The following MYBPC3 variants were observed in gnomAD, a reference collection of about 807,000 sequenced individuals.
MYBPC3 encodes the protein myosin-binding protein C, cardiac-type.
Under a neutral mutation model 159.3 loss-of-function variants are expected in MYBPC3, and 108 were observed. That is an observed-to-expected ratio of 0.68 (90% confidence interval 0.58 to 0.80). The LOEUF (loss-of-function observed/expected upper bound fraction) is 0.80, where lower values mean the gene tolerates loss of function less well. Among genes scored for constraint, MYBPC3 ranks in the 30% least tolerant of loss-of-function variants. The pLI is 0.00. For synonymous variants in MYBPC3, 730 were observed against 702.0 expected (o/e 1.04, Z -0.63); for missense variants, 1,631 against 1,762.1 (o/e 0.93, Z 1.33).
Position 47,352,638 on chromosome 11 carries a change from G to T in MYBPC3, c.10C>A (p.Pro4Thr). The change falls in exon 1 of 35, where the codon CCG becomes ACG. Residue 4 changes from proline to threonine, a missense_variant. Pro to Thr is a conservative substitution (Grantham distance 38). Transcript: ENST00000545968. MPEPGKKPVSAFSK... is the reference protein window; with the variant it reads MPETGKKPVSAFSK... ...CTAAAGCTACCTGGCTTCTTCCCCG[G>T]CTCAGGCATCCTGAGAGACGTCACA... The T allele has an allele frequency of 1.3e-6, 2 of 1,595,398 alleles. No individual in the cohort carries two copies. Among genetic ancestry groups the T allele is most frequent in the Non-Finnish European group, 8.5e-7 (1 of 1,171,184 alleles).
intron 25 of MYBPC3, 59 bp from the exon 26 acceptor site, chr11:47,336,070 T>C: frequency 1.5e-6 from 2 of 1,370,092 alleles, no homozygotes; most frequent in East Asian, 2.7e-5. Context: ...TGGAGATCCA[T>C]GCCCTAGACT....
Position 47,342,118 on chromosome 11 carries a change from T to A in MYBPC3, c.1663A>T (p.Met555Leu). 1 of 1,614,010 alleles carries A rather than the reference T, an allele frequency of 6.2e-7. No homozygotes were observed. The highest frequency in any genetic ancestry group is 8.5e-7 in the Non-Finnish European group (1 of 1,179,884). ...LEVYQSIADL[M>L]VGAKDQAVFK... Reference sequence around the variant, plus strand: ...ACCGCCTGGTCCTTTGCGCCCACCATCAGGTCTGCGATGCTCTGGTACACC... The same window carrying A: ...ACCGCCTGGTCCTTTGCGCCCACCAACAGGTCTGCGATGCTCTGGTACACC... Residue 555 changes from methionine to leucine, a missense_variant, in exon 18 of 35, where the codon ATG becomes TTG. Coordinates refer to ENST00000545968, the MANE Select transcript of MYBPC3 (RefSeq NM_000256.3).
chr11:47,337,248 A>C, intron 25 of MYBPC3, 143 bp downstream of exon 25: 1 of 863,496 alleles, frequency 1.2e-6, no homozygotes, highest in Non-Finnish European at 1.7e-6. Context: ...CATCTGTAAA[A>C]TGCGGCTGAG....
chr11:47,347,345 TCA>T, intron 9 of MYBPC3, 79 bp downstream of exon 9: 1 of 1,550,638 alleles, frequency 6.4e-7, no homozygotes. Context: ...GTGCTCAGGG[TCA>T]CACAGCTGGC....
rs1403746303 is a variant in MYBPC3 at position 47,345,036 on chromosome 11, T to G, written c.1090+1171A>C. Among the ~76,000 whole-genome samples, 5 of 152,310 alleles carry G rather than the reference T, an allele frequency of 3.3e-5. No individual in the cohort carries two copies. The East Asian group carries it at 9.6e-4, about 29-fold the overall frequency. ...AACGCCTAACCTCAGGTGATCCACC[T>G]GCCTCGGCCTCCCAAAGTGCTGGGA... On this transcript the variant is annotated intron_variant, in intron 12 of 34. Transcript: ENST00000545968.
intron 27 of MYBPC3, among the ~76,000 whole-genome samples, chr11:47,334,383 C>T (rs1016830036): frequency 6.6e-6 from 1 of 152,182 alleles, no homozygotes; most frequent in Admixed American, 6.5e-5. Flanking sequence ...AAGATGGACC[C>T]TTTGTTGGGA....
At position 47,339,700 on chromosome 11, in the gene MYBPC3, A is replaced by G. The variant is rs772364751; in HGVS notation, c.2018T>C (p.Ile673Thr). The change falls in exon 21 of 35, where the codon ATC becomes ACC. Residue 673 changes from isoleucine (I) to threonine (T), a missense_variant. Coordinates refer to ENST00000545968, the MANE Select transcript of MYBPC3 (RefSeq NM_000256.3). ...CACAGTGGGAGCAGGGTCCCCAGAG[A>G]TAGGGACGTCCAGACGTAGCTTATT... ...AGNKLRLDVP[I>T]SGDPAPTVIW... 1.9e-6 allele frequency: 3 copies of G among 1,613,584 alleles called. No individual in the cohort carries two copies. Among genetic ancestry groups the G allele is most frequent in the Non-Finnish European group, 2.5e-6 (3 of 1,179,636 alleles).
chr11:47,341,210 C>T lies in MYBPC3; in HGVS notation c.1825G>A (p.Ala609Thr). ...HKLTIDDVTP[A>T]DEADYSFVPE... is the part of the protein sequence containing the mutation. ...ACAAAGCTGTAGTCAGCCTCGTCGG[C>T]AGGTGTGACGTCGTCAATGGTCAGT... The change falls in exon 19 of 35, where the codon GCC (alanine) becomes ACC (threonine). Residue 609 changes from alanine to threonine, a missense_variant. Ala to Thr is a moderately conservative substitution (Grantham distance 58). Transcript: ENST00000545968. The T allele has an allele frequency of 6.3e-7, 1 of 1,598,398 alleles. No individual in the cohort carries two copies.
At chr11:47,352,327 G>C (rs920606646) in intron 1 of MYBPC3, among the ~76,000 whole-genome samples, 1 of 152,078 alleles carries the variant, frequency 6.6e-6, no homozygotes, top group Non-Finnish European at 1.5e-5. Flanking sequence ...GAAGGCAATG[G>C]GACAGGGAAG....
At chr11:47,339,625 G>C (rs765060758) in intron 21 of MYBPC3, 26 bp downstream of exon 21, 14 of 1,548,256 alleles carry the variant, frequency 9.0e-6, no homozygotes, top group Non-Finnish European at 1.2e-5. Flanking sequence ...TTATAGATGG[G>C]GAGACTGAGG....
At position 47,331,606 on chromosome 11, in the gene MYBPC3, T is replaced by C; in HGVS notation, c.*137A>G. 1.9e-6 allele frequency: 1 copy of C among 513,928 alleles called. No individual in the cohort carries two copies. The highest frequency in any genetic ancestry group is 3.5e-6 in the Non-Finnish European group (1 of 286,178). The allele number at this position is 513,928 out of a possible 1,614,324, so 31.8% of individuals were successfully genotyped here. On this transcript the variant is annotated 3_prime_UTR_variant, in exon 35 of 35. Coordinates refer to ENST00000545968, the MANE Select transcript of MYBPC3 (RefSeq NM_000256.3). ...GACTGCCCGACAACTGCCCTGCTGA[T>C]CCCCCATCGCAGCACAGGAGACACA...
At chr11:47,343,750 A>G (rs1280407799) in intron 12 of MYBPC3, 126 bp from the exon 13 acceptor site, 3 of 866,886 alleles carry the variant, frequency 3.5e-6, no homozygotes, top group East Asian at 5.8e-5. Flanking sequence ...CCCCGCTTCC[A>G]CTTCTCTGTG....
rs767927162 is a variant in MYBPC3 at position 47,333,301 on chromosome 11, T to C, written c.3223A>G (p.Thr1075Ala). The change falls in exon 30 of 35, where the codon ACT becomes GCT. Residue 1075 changes from threonine (T) to alanine (A), a missense_variant. Physicochemically the swap from Thr to Ala is moderately conservative, Grantham distance 58. Coordinates refer to ENST00000545968, the MANE Select transcript of MYBPC3 (RefSeq NM_000256.3). ...KPSPPQDLRV[T>A]DAWGLNVALE... is the part of the protein sequence containing the mutation. ...GCCACATTAAGACCCCAGGCGTCAG[T>C]CACCCGGAGATCCTGGGGAGGACTT... The C allele has an allele frequency of 7.5e-6, 12 of 1,590,064 alleles. No individual in the cohort carries two copies. The Admixed American group carries it at 2.1e-4, about 28-fold the overall frequency.
chr11:47,331,939 A>C (rs1360860467), intron 33 of MYBPC3, 58 bp from the exon 34 acceptor site: 2 of 1,602,208 alleles, frequency 1.2e-6, no homozygotes, highest in Admixed American at 1.7e-5. Context: ...GCTATTGCCC[A>C]TCTGGGCGTG....
At position 47,341,871 on chromosome 11, in the gene MYBPC3, C is replaced by G; in HGVS notation, c.1790+120G>C. On this transcript the variant is annotated intron_variant, in intron 18 of 34. Transcript: ENST00000545968. ...GTCTCTGTCTCAGTCTCTGTCCTGTCTCTGTGCATCTGCCTCTCTGTCCAC... is the reference window on the plus strand; with the variant it reads ...GTCTCTGTCTCAGTCTCTGTCCTGTGTCTGTGCATCTGCCTCTCTGTCCAC... 3 of 1,342,808 alleles carry G rather than the reference C, an allele frequency of 2.2e-6. No homozygotes were observed. The Admixed American group carries it at 6.4e-5, about 29-fold the overall frequency. The allele number at this position is 1,342,808 out of a possible 1,614,324, so 83.2% of individuals were successfully genotyped here.
In MYBPC3 at chr11:47,351,213, T is replaced by C. The variant is rs1448811854; in HGVS notation, c.292+26A>G. ...TGCCCCTCCCCCAGCAGCCCAAACC[T>C]CAGGGAAGGCTGATCAGGATCTTAC... On this transcript the variant is annotated intron_variant, in intron 2 of 34. Transcript: ENST00000545968. The surrounding 1 kb of genome is among the most constrained non-coding windows in gnomAD (Gnocchi z 4.2). The C allele has an allele frequency of 2.6e-6, 3 of 1,166,088 alleles. No individual in the cohort carries two copies. In the African/African-American group the frequency reaches 4.7e-5, roughly 18 times the overall value. The allele number at this position is 1,166,088 out of a possible 1,614,324, so 72.2% of individuals were successfully genotyped here.
chr11:47,334,912 AC>A, intron 27 of MYBPC3, 129 bp downstream of exon 27: 1 of 1,138,226 alleles, frequency 8.8e-7, no homozygotes, highest in Non-Finnish European at 1.1e-6. Flanking sequence ...GATGGCTCCA[AC>A]CCCTCCTGTC....
intron 29 of MYBPC3, 86 bp from the exon 30 acceptor site, chr11:47,333,419 C>A: frequency 6.7e-7 from 1 of 1,494,904 alleles, no homozygotes; most frequent in East Asian, 2.4e-5. Context: ...CCACCCCTGC[C>A]AACCAGGGCC....
Position 47,343,081 on chromosome 11 carries a change from C to T in MYBPC3, c.1291G>A (p.Asp431Asn), listed in dbSNP as rs753321277. The T allele has an allele frequency of 9.3e-6, 15 of 1,612,132 alleles. No individual in the cohort carries two copies. The highest frequency in any genetic ancestry group is 7.7e-5 in the South Asian group (7 of 90,672). ...LTISQCSLAD[D>N]AAYQCVVGGE... is the part of the protein sequence containing the mutation. The stretch of plus-strand genomic sequence containing the variant: ...CCCACCACGCACTGGTAGGCTGCGT[C>T]GTCCGCCAATGAGCACTGGCTGATG... The change falls in exon 15 of 35, where the codon GAC becomes AAC. Residue 431 changes from aspartate (D) to asparagine (N), a missense_variant. By Grantham distance (23) the Asp-to-Asn change is conservative. Coordinates refer to ENST00000545968, the MANE Select transcript of MYBPC3 (RefSeq NM_000256.3).
Sources: allele counts gnomAD v4.1 joint callset (sites outside exome capture counted in the v4.1 genomes callset), GRCh38; gene constraint gnomAD v4.1.1; non-coding constraint Gnocchi (gnomAD v3.1); transcripts MANE v1.5; gene names NCBI Gene and HGNC (gene_info 2026-07-23, HGNC 2026-07-21).